SLC35F1: variants seen among roughly 807,000 people sequenced by gnomAD.
SLC35F1 encodes the protein solute carrier family 35 member F1, also known as chromosome 6 open reading frame 169.
In SLC35F1, 14 loss-of-function variants were observed where a neutral mutation model predicts 48.7. The ratio of observed to expected loss-of-function variants is 0.29; its 90% CI spans 0.19 to 0.45. The LOEUF is 0.45. Ranked by LOEUF, SLC35F1 falls within the 20% of genes least tolerant of loss-of-function variation. The pLI, the probability that SLC35F1 is intolerant of heterozygous loss-of-function variation, is 1.00. For missense variants in SLC35F1, 404 were observed against 500.0 expected (o/e 0.81, Z 1.83); for synonymous variants, 190 against 202.2 (o/e 0.94, Z 0.51).
At chr6:118,234,746 G>A (rs151071060) in intron 2 of SLC35F1, among the ~76,000 whole-genome samples, 5 of 152,154 alleles carry the variant, frequency 3.3e-5, no homozygotes, top group Admixed American at 2.6e-4. Context: ...AGACCCCACA[G>A]GTTGGCTACA....
chr6:118,148,810 C>CCT (rs1280917115), intron 1 of SLC35F1, among the ~76,000 whole-genome samples: 3 of 152,126 alleles, frequency 2.0e-5, no homozygotes, highest in African/African-American at 7.2e-5. Context: ...CAAGATAGCA[C>CCT]CTTACCAGGC....
chr6:117,936,731 G>GA (rs988145966), intron 1 of SLC35F1, among the ~76,000 whole-genome samples: 3 of 151,814 alleles, frequency 2.0e-5, no homozygotes, highest in African/African-American at 7.3e-5. Flanking sequence ...ATTTTAATTA[G>GA]AAAAAATTAC....
At chr6:118,023,081 GCCACC>G (rs1562266870) in intron 1 of SLC35F1, among the ~76,000 whole-genome samples, 2 of 152,094 alleles carry the variant, frequency 1.3e-5, no homozygotes, top group African/African-American at 4.8e-5. Context: ...ATAATGCTCA[GCCACC>G]CTTATACAGG....
intron 6 of SLC35F1, among the ~76,000 whole-genome samples, chr6:118,281,175 ACTCTCT>A (rs745677823): frequency 0.02 from 2,710 of 137,660 alleles, 100 homozygotes; most frequent in African/African-American, 0.069. Context: ...ATATATAGTA[ACTCTCT>A]CTCTCTCTCT....
intron 1 of SLC35F1, among the ~76,000 whole-genome samples, chr6:118,106,980 A>C (rs1042003844): frequency 6.6e-6 from 1 of 152,232 alleles, no homozygotes; most frequent in Non-Finnish European, 1.5e-5. Flanking sequence ...ACCCCCCAGC[A>C]TCACTTTGTA....
chr6:117,975,583 G>C (rs778592267), intron 1 of SLC35F1, among the ~76,000 whole-genome samples: 11 of 152,132 alleles, frequency 7.2e-5, no homozygotes, highest in Non-Finnish European at 1.3e-4. Context: ...ATAGTAAGGT[G>C]TAATTTTAAA....
intron 2 of SLC35F1, among the ~76,000 whole-genome samples, chr6:118,186,797 C>T (rs539791949): frequency 6.6e-6 from 1 of 152,136 alleles, no homozygotes; most frequent in African/African-American, 2.4e-5. Flanking sequence ...ACTCAGAGAA[C>T]CCCACAATGC....
intron 1 of SLC35F1, among the ~76,000 whole-genome samples, chr6:118,019,935 C>G (rs185384613): frequency 6.6e-6 from 1 of 152,124 alleles, no homozygotes; most frequent in African/African-American, 2.4e-5. Context: ...CACTTTAACT[C>G]CTCTATTTCA....
intron 1 of SLC35F1, among the ~76,000 whole-genome samples, chr6:117,926,508 G>T (rs1776030690): frequency 1.3e-5 from 2 of 152,138 alleles, no homozygotes; most frequent in South Asian, 4.1e-4. Context: ...GTGTGTGTGT[G>T]TGTTTGTGTT....
chr6:117,926,748 G>C (rs1776033900), intron 1 of SLC35F1, among the ~76,000 whole-genome samples: 1 of 152,122 alleles, frequency 6.6e-6, no homozygotes, highest in Admixed American at 6.6e-5. Context: ...GTTAAGTTGT[G>C]TATTTTGTCT....
intron 1 of SLC35F1, among the ~76,000 whole-genome samples, chr6:117,911,213 TCA>T (rs1207450594): frequency 6.6e-6 from 1 of 152,192 alleles, no homozygotes; most frequent in Non-Finnish European, 1.5e-5. Context: ...TAATGGGACA[TCA>T]CATTTTTTCC....
At chr6:117,949,852 G>A (rs1776340452) in intron 1 of SLC35F1, among the ~76,000 whole-genome samples, 1 of 152,102 alleles carries the variant, frequency 6.6e-6, no homozygotes, top group African/African-American at 2.4e-5. Context: ...TCTCTGTCTC[G>A]GGGATAACTG....
At position 118,208,086 on chromosome 6, in the gene SLC35F1, T is replaced by C. The variant is rs9481769; in HGVS notation, c.350-27423T>C. The stretch of plus-strand genomic sequence containing the variant: ...TCTCTCTCTCTCTCACACACACACA[T>C]ACACACACATGCACGCACACACACG... On this transcript the variant is annotated intron_variant, in intron 2 of 7. Coordinates refer to ENST00000360388, the MANE Select transcript of SLC35F1 (RefSeq NM_001029858.4). Among the ~76,000 whole-genome samples, 156 of 150,104 alleles carry C rather than the reference T, an allele frequency of 1.0e-3. 1 individual carries two copies. Among genetic ancestry groups the C allele is most frequent in the Middle Eastern group, 6.8e-3 (2 of 292 alleles).
At chr6:117,999,127 A>G (rs1777046464) in intron 1 of SLC35F1, 1 of 1,589,820 alleles carries the variant, frequency 6.3e-7, no homozygotes. Context: ...AGCACAACAA[A>G]AAGGGCCTAA....
intron 1 of SLC35F1, among the ~76,000 whole-genome samples, chr6:117,975,656 G>C (rs1216571899): frequency 6.6e-6 from 1 of 151,968 alleles, no homozygotes; most frequent in Admixed American, 6.6e-5. Context: ...TTTTGTAGAC[G>C]GGAATCTACT....
At chr6:118,165,948 C>T (rs1054804258) in intron 2 of SLC35F1, among the ~76,000 whole-genome samples, 1 of 152,144 alleles carries the variant, frequency 6.6e-6, no homozygotes, top group Admixed American at 6.5e-5. Flanking sequence ...ATGAACAACA[C>T]ATCCCTGTTA....
intron 2 of SLC35F1, among the ~76,000 whole-genome samples, chr6:118,168,275 A>T (rs576841165): frequency 6.6e-6 from 1 of 152,254 alleles, no homozygotes; most frequent in South Asian, 2.1e-4. Flanking sequence ...ATTTTGATAA[A>T]TATAATATTC....
intron 4 of SLC35F1, among the ~76,000 whole-genome samples, chr6:118,273,344 T>C (rs1473687955): frequency 1.3e-5 from 2 of 152,176 alleles, no homozygotes; most frequent in East Asian, 1.9e-4. Flanking sequence ...ATTAAAATAT[T>C]TCATTATGAT....
intron 1 of SLC35F1, among the ~76,000 whole-genome samples, chr6:117,930,451 T>C (rs1776085630): frequency 6.6e-6 from 1 of 152,212 alleles, no homozygotes; most frequent in South Asian, 2.1e-4. Context: ...TTTTTAGGGC[T>C]TGAAAGGAAA....
Sources: allele counts gnomAD v4.1 joint callset (sites outside exome capture counted in the v4.1 genomes callset), GRCh38; gene constraint gnomAD v4.1.1; transcripts MANE v1.5; gene names NCBI Gene and HGNC (gene_info 2026-07-23, HGNC 2026-07-21).